Variants in GLIS3 observed in about 807,000 individuals in gnomAD.
GLIS3 encodes zinc finger protein GLIS3.
Under a neutral mutation model 78.6 loss-of-function variants are expected in GLIS3, and 53 were observed. That is an observed-to-expected ratio of 0.67 (90% CI 0.54 to 0.85). GLIS3 has a LOEUF of 0.85. Ranked by LOEUF, GLIS3 falls within the 40% of genes least tolerant of loss-of-function variation. GLIS3 has a pLI of 0.00. For missense variants in GLIS3, 1,703 were observed against 1,231.1 expected (o/e 1.38, Z -5.74); for synonymous variants, 684 against 509.9 (o/e 1.34, Z -4.60).
intron 2 of GLIS3, among the ~76,000 whole-genome samples, chr9:4,196,002 G>A (rs142844820): frequency 0.27 from 41,313 of 151,692 alleles, 6,977 homozygotes; most frequent in South Asian, 0.52. Context: ...ACCTATCAGT[G>A]CTCTGTGTCT....
At chr9:4,287,089 C>T (rs6476835) in intron 1 of GLIS3, among the ~76,000 whole-genome samples, 12,826 of 152,184 alleles carry the variant, frequency 0.084, 965 homozygotes, top group African/African-American at 0.2. Context: ...TTTATATATC[C>T]ACATATTCAT....
At chr9:4,115,173 T>C (rs1389841263) in intron 4 of GLIS3, among the ~76,000 whole-genome samples, 1 of 152,216 alleles carries the variant, frequency 6.6e-6, no homozygotes, top group Non-Finnish European at 1.5e-5. Context: ...GGTCATCATT[T>C]CTTTCTTGGG....
intron 2 of GLIS3, among the ~76,000 whole-genome samples, chr9:4,126,588 T>C (rs931156008): frequency 2.0e-5 from 3 of 152,196 alleles, no homozygotes; most frequent in African/African-American, 7.2e-5. Context: ...GTAACAATCT[T>C]TCAGTGTAGT....
intron 9 of GLIS3, among the ~76,000 whole-genome samples, chr9:3,830,845 G>A (rs1248449917): frequency 6.6e-6 from 1 of 152,060 alleles, no homozygotes; most frequent in Non-Finnish European, 1.5e-5. Flanking sequence ...GTAAAACCAG[G>A]GTGAACTGAT....
chr9:4,401,254 CTGTT>C, the GLIS3 span, among the ~76,000 whole-genome samples: 5 of 152,004 alleles, frequency 3.3e-5, no homozygotes, highest in South Asian at 4.2e-4. Context: ...GGGTTTATTT[CTGTT>C]TGTTTGTTTT....
chr9:4,066,039 T>A (rs71508602), intron 4 of GLIS3, among the ~76,000 whole-genome samples: 42,810 of 132,990 alleles, frequency 0.32, 6,815 homozygotes, highest in East Asian at 0.4. Flanking sequence ...CCAAAGAATA[T>A]AAAAAAAAAA....
At chr9:3,910,628 G>C (rs1207054403) in intron 6 of GLIS3, among the ~76,000 whole-genome samples, 1 of 152,218 alleles carries the variant, frequency 6.6e-6, no homozygotes, top group African/African-American at 2.4e-5. Flanking sequence ...TGAGATTACA[G>C]AGGCAGGCCA....
rs887588495 is a variant in GLIS3 at position 3,826,077 on chromosome 9, C to T, written c.*2195G>A. 12 of 152,206 alleles carry T rather than the reference C, an allele frequency of 7.9e-5. No individual in the cohort carries two copies. The highest frequency in any genetic ancestry group is 2.7e-4 in the African/African-American group (11 of 41,456). 9.4% of individuals were successfully genotyped at this position (152,206 alleles called of 1,614,324 possible). A position where few individuals can be genotyped will look rare whatever the true frequency, so the allele number is the denominator to read the frequency against. ...GTCCATGGTTTCTAAAGTTGAGCTT[C>T]TGTCTTGTCCTCCTTCCCCCTTTCT... On this transcript the variant is annotated 3_prime_UTR_variant, in exon 11 of 11. Transcript: ENST00000381971.
intron 4 of GLIS3, among the ~76,000 whole-genome samples, chr9:4,007,009 T>C (rs1173874421): frequency 3.3e-5 from 5 of 152,174 alleles, no homozygotes; most frequent in Admixed American, 1.3e-4. Flanking sequence ...AGTGATGATA[T>C]ATTGGTGATC....
At chr9:4,313,651 T>C (rs1168223610) in intron 2 of GLIS3, among the ~76,000 whole-genome samples, 1 of 152,198 alleles carries the variant, frequency 6.6e-6, no homozygotes, top group Non-Finnish European at 1.5e-5. Flanking sequence ...TGAGTCAAAA[T>C]GGACTAGTTA....
chr9:4,272,484 T>C (rs145752075), intron 2 of GLIS3, among the ~76,000 whole-genome samples: 7 of 152,306 alleles, frequency 4.6e-5, no homozygotes, highest in African/African-American at 1.7e-4. Flanking sequence ...TCCTGCCGGG[T>C]GTGCTTGGGC....
chr9:4,406,120 C>A, the GLIS3 span, among the ~76,000 whole-genome samples: 1 of 152,016 alleles, frequency 6.6e-6, no homozygotes, highest in Non-Finnish European at 1.5e-5. Context: ...CAGTATCATA[C>A]CAAATGGGGA....
At chr9:4,070,035 G>A (rs1039255098) in intron 4 of GLIS3, among the ~76,000 whole-genome samples, 1 of 152,042 alleles carries the variant, frequency 6.6e-6, no homozygotes, top group African/African-American at 2.4e-5. Context: ...TTCAGCCACA[G>A]TCCATTTTGT....
At chr9:4,453,908 G>A in the GLIS3 span, among the ~76,000 whole-genome samples, 4,405 of 152,048 alleles carry the variant, frequency 0.029, 238 homozygotes, top group African/African-American at 0.1. Context: ...ATGACGAGTT[G>A]ATGGGTGCAG....
At chr9:4,257,719 G>A (rs947098715) in intron 2 of GLIS3, among the ~76,000 whole-genome samples, 28 of 151,792 alleles carry the variant, frequency 1.8e-4, no homozygotes, top group Middle Eastern at 6.8e-3. Flanking sequence ...GACTACAGGT[G>A]CCTGCCACCA....
At chr9:4,450,220 A>G in the GLIS3 span, among the ~76,000 whole-genome samples, 1 of 152,234 alleles carries the variant, frequency 6.6e-6, no homozygotes, top group South Asian at 2.1e-4. Context: ...TCAATAGCCG[A>G]TTCAATCAAG....
chr9:3,839,911 G>A (rs1353646673), intron 9 of GLIS3, among the ~76,000 whole-genome samples: 1 of 152,150 alleles, frequency 6.6e-6, no homozygotes, highest in East Asian at 1.9e-4. Context: ...AAACCCTGAA[G>A]TGTAGAAACA....
chr9:4,483,708 G>A, the GLIS3 span, among the ~76,000 whole-genome samples: 5 of 147,062 alleles, frequency 3.4e-5, no homozygotes, highest in Non-Finnish European at 7.4e-5. Context: ...CAACACGAGT[G>A]AGACTTCGTC....
At chr9:4,015,060 T>C (rs1241944062) in intron 4 of GLIS3, among the ~76,000 whole-genome samples, 1 of 152,176 alleles carries the variant, frequency 6.6e-6, no homozygotes, top group African/African-American at 2.4e-5. Flanking sequence ...GCTAGTAAAG[T>C]GAAAGCTATA....
Sources: gnomAD v4.1 joint callset for allele counts (sites outside exome capture counted in the v4.1 genomes callset) on GRCh38, gnomAD v4.1.1 for gene constraint, MANE v1.5 for transcripts, NCBI Gene and HGNC (gene_info 2026-07-23, HGNC 2026-07-21) for gene names.